VEZT: variants seen among roughly 807,000 people sequenced by gnomAD.
VEZT encodes vezatin, adherens junctions transmembrane protein.
VEZT carries 39 observed loss-of-function variants against 79.9 expected under a neutral mutation model. The observed-to-expected ratio is 0.49, with a 90% CI of 0.38 to 0.64. The LOEUF (loss-of-function observed/expected upper bound fraction) is 0.64. Among genes scored for constraint, VEZT ranks in the 30% least tolerant of loss-of-function variants. The pLI is 0.00. For synonymous variants in VEZT, 325 were observed against 327.6 expected, an observed-to-expected ratio of 0.99 and a Z score of 0.09; for missense variants, 837 against 893.1, an observed-to-expected ratio of 0.94 and a Z score of 0.80.
intron 4 of VEZT, chr12:95,263,661 A>T (rs1248138018): frequency 1.3e-5 from 2 of 152,276 alleles, no homozygotes; most frequent in Non-Finnish European, 2.9e-5. Flanking sequence ...TAAGGGGAAA[A>T]AAAAAAGAAT....
At chr12:95,241,536 G>A (rs148734777) in intron 1 of VEZT, among the ~76,000 whole-genome samples, 2,601 of 152,094 alleles carry the variant, frequency 0.017, 34 homozygotes, top group Non-Finnish European at 0.028. Context: ...CAAACGCCTG[G>A]CCTCAAGCAA....
At chr12:95,222,988 A>G (rs987842371) in intron 1 of VEZT, among the ~76,000 whole-genome samples, 10 of 152,160 alleles carry the variant, frequency 6.6e-5, no homozygotes, top group Non-Finnish European at 4.4e-5. Flanking sequence ...CTCAGGTACA[A>G]TTTTCTATTT....
chr12:95,267,660 C>G (rs2138632118), intron 5 of VEZT, among the ~76,000 whole-genome samples: 1 of 152,298 alleles, frequency 6.6e-6, no homozygotes, highest in Admixed American at 6.5e-5. Flanking sequence ...GTTCTTTACT[C>G]TCTTGTGTTC....
chr12:95,293,052 A>G (rs960680849), intron 9 of VEZT, among the ~76,000 whole-genome samples: 7 of 151,672 alleles, frequency 4.6e-5, no homozygotes, highest in African/African-American at 1.5e-4. Context: ...GGGTTTCACC[A>G]TGTTGGTCAG....
intron 4 of VEZT, among the ~76,000 whole-genome samples, chr12:95,264,228 A>C (rs970620278): frequency 1.3e-5 from 2 of 152,200 alleles, no homozygotes; most frequent in African/African-American, 4.8e-5. Context: ...ACAAGAATTT[A>C]AGGAGCTGAT....
rs1306656000 is a variant in VEZT, at chr12:95,301,317, T to A, written c.*644T>A. 1 of 152,176 alleles carries A rather than the reference T, an allele frequency of 6.6e-6. No homozygotes were observed. Among genetic ancestry groups the A allele is most frequent in the Non-Finnish European group, 1.5e-5 (1 of 68,030 alleles). 9.4% of individuals were successfully genotyped at this position (152,176 alleles called of 1,614,324 possible). A position where few individuals can be genotyped will look rare whatever the true frequency, so the allele number is the denominator to read the frequency against. ...CTTTAAAAGAAAAATATTGTACCAT[T>A]TTTTAGAATTACACTTTCACCTTTC... On this transcript the variant is annotated 3_prime_UTR_variant, in exon 12 of 12. Coordinates refer to ENST00000436874, the MANE Select transcript of VEZT (RefSeq NM_017599.4).
chr12:95,296,948 AAAAAGAAAG>A (rs1408509666), intron 11 of VEZT: 1 of 152,606 alleles, frequency 6.6e-6, no homozygotes, highest in East Asian at 1.9e-4. Flanking sequence ...TCAAAAAGAA[AAAAAGAAAG>A]AAAAGAAAAG....
In VEZT at chr12:95,300,149, T is replaced by G; in HGVS notation, c.1832-16T>G. 7.3e-7 allele frequency: 1 copy of G among 1,370,302 alleles called. No homozygotes were observed. Among genetic ancestry groups the G allele is most frequent in the Non-Finnish European group, 9.5e-7 (1 of 1,052,034 alleles). 84.9% of individuals were successfully genotyped at this position (1,370,302 alleles called of 1,614,324 possible). On this transcript the variant is annotated splice_polypyrimidine_tract_variant and intron_variant, in intron 11 of 11. Coordinates refer to ENST00000436874, the MANE Select transcript of VEZT (RefSeq NM_017599.4). ...CTTAGTTATTTTTTTTCTTTTTTCT[T>G]TTTTTTTATTTGAAGCCGTGTTGAA...
At chr12:95,294,846 T>A (rs2073802361) in intron 10 of VEZT, among the ~76,000 whole-genome samples, 1 of 152,196 alleles carries the variant, frequency 6.6e-6, no homozygotes, top group Non-Finnish European at 1.5e-5. Context: ...GTATATTGCA[T>A]AACAAGTTAC....
At chr12:95,226,804 AT>A (rs1056255447) in intron 1 of VEZT, among the ~76,000 whole-genome samples, 2 of 152,164 alleles carry the variant, frequency 1.3e-5, no homozygotes, top group Non-Finnish European at 2.9e-5. Flanking sequence ...CTAGAATCTG[AT>A]TACCCATTTT....
chr12:95,238,690 C>T (rs1474776008), intron 1 of VEZT, among the ~76,000 whole-genome samples: 2 of 151,784 alleles, frequency 1.3e-5, no homozygotes, highest in Admixed American at 6.6e-5. Context: ...GTTGCTACGC[C>T]ACTGTTTCAT....
At chr12:95,223,085 C>T (rs1790325138) in intron 1 of VEZT, among the ~76,000 whole-genome samples, 1 of 152,096 alleles carries the variant, frequency 6.6e-6, no homozygotes, top group Non-Finnish European at 1.5e-5. Context: ...CCTAGGTCAG[C>T]TATTTATTAG....
chr12:95,220,281 C>T (rs1175940533), intron 1 of VEZT, among the ~76,000 whole-genome samples: 1 of 152,098 alleles, frequency 6.6e-6, no homozygotes, highest in Non-Finnish European at 1.5e-5. Context: ...ATGGTGAAAC[C>T]CTATCTCTAC....
chr12:95,287,547 C>T (rs962347527), intron 8 of VEZT, 117 bp from the exon 9 acceptor site: 1 of 952,552 alleles, frequency 1.0e-6, no homozygotes, highest in Non-Finnish European at 1.5e-6. Context: ...AAGCCATTCA[C>T]CTGCCTTGGC....
At chr12:95,270,793 C>T (rs1340666858) in intron 6 of VEZT, among the ~76,000 whole-genome samples, 3 of 152,130 alleles carry the variant, frequency 2.0e-5, no homozygotes, top group African/African-American at 7.2e-5. Flanking sequence ...CACCCAAAGA[C>T]TGCATGACAA....
intron 9 of VEZT, among the ~76,000 whole-genome samples, chr12:95,293,208 T>C (rs1196628034): frequency 1.3e-5 from 2 of 152,220 alleles, no homozygotes; most frequent in Non-Finnish European, 1.5e-5. Context: ...CAGGTGTGAC[T>C]AACTCTACAG....
intron 1 of VEZT, among the ~76,000 whole-genome samples, chr12:95,246,412 C>T (rs1423870509): frequency 2.6e-5 from 4 of 152,184 alleles, no homozygotes; most frequent in Non-Finnish European, 4.4e-5. Flanking sequence ...CGTGAGCCAC[C>T]GCACCCACCC....
At chr12:95,221,148 A>G (rs1328335581) in intron 1 of VEZT, among the ~76,000 whole-genome samples, 1 of 152,158 alleles carries the variant, frequency 6.6e-6, no homozygotes, top group Non-Finnish European at 1.5e-5. Flanking sequence ...GCCACGTCAA[A>G]TTTCTTGCAT....
At chr12:95,228,504 T>C (rs1316165063) in intron 1 of VEZT, among the ~76,000 whole-genome samples, 1 of 152,118 alleles carries the variant, frequency 6.6e-6, no homozygotes. Flanking sequence ...GGTATTATTA[T>C]ATCATTTAAT....
Sources: gnomAD v4.1 joint callset for allele counts (sites outside exome capture counted in the v4.1 genomes callset) on GRCh38, gnomAD v4.1.1 for gene constraint, MANE v1.5 for transcripts, NCBI Gene and HGNC (gene_info 2026-07-23, HGNC 2026-07-21) for gene names.